The following KDM4C variants were observed in gnomAD, a reference collection of about 807,000 sequenced individuals.
KDM4C encodes the protein lysine demethylase 4C.
A neutral mutation model predicts 129.3 loss-of-function variants in KDM4C; 81 were observed. That is an observed-to-expected ratio of 0.63 (90% CI 0.52 to 0.75). KDM4C has a LOEUF of 0.75. Ranked by LOEUF, KDM4C falls within the 30% of genes least tolerant of loss-of-function variation. The probability of loss-of-function intolerance (pLI) is 0.00; values close to 1 mark genes in which losing one functional copy is unlikely to be tolerated. For missense variants in KDM4C, 1,457 were observed against 1,304.0 expected (o/e 1.12, Z -1.81); for synonymous variants, 573 against 456.1 (o/e 1.26, Z -3.26).
intron 17 of KDM4C, among the ~76,000 whole-genome samples, chr9:7,052,906 C>CGAGCGAGCGAGCGAGA (rs1564049883): frequency 2.1e-5 from 1 of 47,888 alleles, no homozygotes; most frequent in Non-Finnish European, 5.9e-5. Context: ...AGAGAGCGAG[C>CGAGCGAGCGAGCGAGA]GAGTGCCCAA....
At chr9:6,777,613 A>T (rs1282853090) in intron 1 of KDM4C, among the ~76,000 whole-genome samples, 1 of 151,902 alleles carries the variant, frequency 6.6e-6, no homozygotes, top group African/African-American at 2.4e-5. Context: ...TGTTCTCCTT[A>T]TTGCCCCCAG....
chr9:7,075,228 G>A (rs982333730), intron 17 of KDM4C, among the ~76,000 whole-genome samples: 1 of 152,130 alleles, frequency 6.6e-6, no homozygotes, highest in Admixed American at 6.5e-5. Context: ...AAAATGACTG[G>A]TAATCCATTC....
At chr9:7,099,667 G>A (rs1037933341) in intron 17 of KDM4C, among the ~76,000 whole-genome samples, 1 of 152,174 alleles carries the variant, frequency 6.6e-6, no homozygotes, top group Non-Finnish European at 1.5e-5. Flanking sequence ...GTATCACTGG[G>A]AACTTGTTAG....
intron 3 of KDM4C, among the ~76,000 whole-genome samples, chr9:6,808,652 C>T (rs1295420191): frequency 7.1e-6 from 1 of 141,448 alleles, no homozygotes; most frequent in Non-Finnish European, 1.5e-5. Context: ...ATGACCCTGC[C>T]AAATCCCCCT....
chr9:7,174,325 TG>T (rs1338471189), intron 21 of KDM4C, among the ~76,000 whole-genome samples: 1 of 152,140 alleles, frequency 6.6e-6, no homozygotes, highest in Non-Finnish European at 1.5e-5. Flanking sequence ...GGAAGGTCCC[TG>T]GGGTTGGAGG....
intron 17 of KDM4C, among the ~76,000 whole-genome samples, chr9:7,088,862 A>AG (rs1374221900): frequency 6.6e-6 from 1 of 152,210 alleles, no homozygotes; most frequent in African/African-American, 2.4e-5. Flanking sequence ...AAGAAAAAAA[A>AG]AAGCTGTTTC....
chr9:7,077,924 T>A (rs1358122182), intron 17 of KDM4C, among the ~76,000 whole-genome samples: 2 of 152,230 alleles, frequency 1.3e-5, no homozygotes, highest in African/African-American at 4.8e-5. Flanking sequence ...AGCAGATATT[T>A]AGGCTCTGGG....
intron 3 of KDM4C, among the ~76,000 whole-genome samples, chr9:6,810,105 C>T (rs1015449591): frequency 1.3e-5 from 2 of 152,154 alleles, no homozygotes; most frequent in Non-Finnish European, 2.9e-5. Flanking sequence ...CCTTGAAGTT[C>T]TTTCTTCTCT....
chr9:7,015,868 C>T lies in KDM4C; in HGVS notation c.2198C>T (p.Pro733Leu). ...TATTTTATAGGTTGTTATGGTATTC[C>T]TTCTCATGAGATCTGTGATGGATGG... ...VRVHASCYGIPSHEICDGWLC... is the reference protein window; with the variant it reads ...VRVHASCYGILSHEICDGWLC... The change falls in exon 15 of 22, where the codon CCT (proline) becomes CTT (leucine). Residue 733 changes from proline (P) to leucine (L), a missense_variant. Pro to Leu is a moderately conservative substitution (Grantham distance 98). Coordinates refer to ENST00000381309, the MANE Select transcript of KDM4C (RefSeq NM_015061.6). 6.2e-7 allele frequency: 1 copy of T among 1,611,676 alleles called. No homozygotes were observed. The highest frequency in any genetic ancestry group is 8.5e-7 in the Non-Finnish European group (1 of 1,178,094).
intron 15 of KDM4C, among the ~76,000 whole-genome samples, chr9:7,042,020 G>A (rs1410052902): frequency 2.0e-5 from 3 of 152,022 alleles, no homozygotes; most frequent in Non-Finnish European, 4.4e-5. Context: ...CCGCTAAACA[G>A]CTACACTGAG....
At chr9:7,020,812 A>G (rs1045966463) in intron 15 of KDM4C, among the ~76,000 whole-genome samples, 6 of 152,204 alleles carry the variant, frequency 3.9e-5, no homozygotes, top group Non-Finnish European at 8.8e-5. Flanking sequence ...TGTGTTACAA[A>G]CAATCCAGTT....
Position 7,013,660 on chromosome 9 carries a change from A to G in KDM4C, c.1969-128A>G, listed in dbSNP as rs1051336407. The G allele has an allele frequency of 9.0e-5, 74 of 825,796 alleles. 1 individual carries two copies. The highest frequency in any genetic ancestry group is 1.3e-4 in the Non-Finnish European group (68 of 537,268). 51.2% of individuals were successfully genotyped at this position (825,796 alleles called of 1,614,324 possible). On this transcript the variant is annotated intron_variant, in intron 13 of 21. Transcript: ENST00000381309. The stretch of plus-strand genomic sequence containing the variant: ...TTTAAAAAAAACTAGTAGTTTGGTC[A>G]AGGAGAACAACAGGAAGAACAAAAG...
chr9:6,987,697 C>G (rs1310318337), intron 11 of KDM4C, among the ~76,000 whole-genome samples: 2 of 152,102 alleles, frequency 1.3e-5, no homozygotes, highest in African/African-American at 2.4e-5. Flanking sequence ...TTAAAATATA[C>G]TTTTCTGATT....
At chr9:6,914,273 G>C (rs1819899641) in intron 8 of KDM4C, among the ~76,000 whole-genome samples, 1 of 152,128 alleles carries the variant, frequency 6.6e-6, no homozygotes, top group African/African-American at 2.4e-5. Flanking sequence ...TGGTCAGGCT[G>C]GTCTTGAACT....
At chr9:6,820,100 A>G (rs183097965) in intron 4 of KDM4C, among the ~76,000 whole-genome samples, 1 of 152,260 alleles carries the variant, frequency 6.6e-6, no homozygotes, top group East Asian at 1.9e-4. Context: ...ATGGATACGA[A>G]TCCTGCTTCT....
intron 4 of KDM4C, among the ~76,000 whole-genome samples, chr9:6,816,866 A>C (rs1397816527): frequency 7.0e-6 from 1 of 143,296 alleles, no homozygotes; most frequent in Non-Finnish European, 1.5e-5. Flanking sequence ...TTTTTGGCTT[A>C]AGTTCCCTTT....
At chr9:6,984,791 A>C (rs1817396737) in intron 10 of KDM4C, among the ~76,000 whole-genome samples, 1 of 145,598 alleles carries the variant, frequency 6.9e-6, no homozygotes, top group Non-Finnish European at 1.5e-5. Flanking sequence ...CGACTTAAGA[A>C]GAAAATAAAG....
chr9:6,777,681 G>GA (rs2130718001), intron 1 of KDM4C, among the ~76,000 whole-genome samples: 1 of 152,144 alleles, frequency 6.6e-6, no homozygotes, highest in South Asian at 2.1e-4. Context: ...GCCCAGTCTG[G>GA]AGTGCAGTGG....
At chr9:7,003,006 G>A (rs559834750) in intron 12 of KDM4C, among the ~76,000 whole-genome samples, 5 of 152,268 alleles carry the variant, frequency 3.3e-5, no homozygotes, top group South Asian at 2.1e-4. Context: ...GACTGCAGGC[G>A]CCTGCCACCA....
Sources: allele counts gnomAD v4.1 joint callset (sites outside exome capture counted in the v4.1 genomes callset), GRCh38; gene constraint gnomAD v4.1.1; transcripts MANE v1.5; gene names NCBI Gene and HGNC (gene_info 2026-07-23, HGNC 2026-07-21).